Variants in COP1 observed in about 807,000 individuals in gnomAD.
The protein encoded by COP1 is COP1 E3 ubiquitin ligase, also known as E3 ubiquitin-protein ligase COP1.
Under a neutral mutation model 101.3 loss-of-function variants are expected in COP1, and 24 were observed. The ratio of observed to expected loss-of-function variants is 0.24; its 90% CI spans 0.17 to 0.33. COP1 has a LOEUF of 0.33. Ranked by LOEUF, COP1 falls within the 10% of genes least tolerant of loss-of-function variation. The pLI is 1.00. For synonymous variants in COP1, 347 were observed against 341.9 expected, an observed-to-expected ratio of 1.01 and a Z score of -0.17; for missense variants, 663 against 906.2, an observed-to-expected ratio of 0.73 and a Z score of 3.45.
In COP1 at chr1:176,203,268, C is replaced by T. The variant is rs912847215; in HGVS notation, c.407+3304G>A. 2.0e-5 allele frequency among the ~76,000 whole-genome samples: 3 copies of T among 151,992 alleles called. No individual in the cohort carries two copies. In the Middle Eastern group the frequency reaches 0.01, roughly 517 times the overall value. The stretch of plus-strand genomic sequence containing the variant: ...AGGAGAATGGCGTGAACCCGGGAGG[C>T]GGAGCTTGCAGTGAGCCGAGATCGC... On this transcript the variant is annotated intron_variant, in intron 1 of 19. Transcript: ENST00000367669.
At chr1:176,099,539 CT>C (rs1683014541) in intron 9 of COP1, among the ~76,000 whole-genome samples, 1 of 146,842 alleles carries the variant, frequency 6.8e-6, no homozygotes, top group African/African-American at 2.6e-5. Flanking sequence ...CTCTCTCTCT[CT>C]CCCTGGCTTC....
chr1:176,173,265 C>A (rs1184804667), intron 3 of COP1, among the ~76,000 whole-genome samples: 1 of 137,122 alleles, frequency 7.3e-6, no homozygotes, highest in Non-Finnish European at 1.5e-5. Flanking sequence ...GAGTCAAGAT[C>A]ATGCCATTGC....
rs988982990 is a variant in COP1, at chr1:176,190,684, C to T, written c.408-5992G>A. ...TTAATCAGTGCTCTATTTGTCATTC[C>T]CTTTTATATGCATTATTTCCTTCAA... On this transcript the variant is annotated intron_variant, in intron 1 of 19. Coordinates refer to ENST00000367669, the MANE Select transcript of COP1 (RefSeq NM_022457.7). Among the ~76,000 whole-genome samples the T allele has an allele frequency of 2.0e-5, 3 of 151,810 alleles. No homozygotes were observed. The South Asian group carries it at 6.2e-4, about 31-fold the overall frequency.
At chr1:176,206,391 T>G (rs1473913601) in intron 1 of COP1, 181 bp downstream of exon 1, 1 of 634,016 alleles carries the variant, frequency 1.6e-6, no homozygotes, top group Non-Finnish European at 2.6e-6. Flanking sequence ...CAACATTCCT[T>G]CACCCCACCA....
At chr1:176,081,089 C>G in intron 11 of COP1, 63 bp downstream of exon 11, 1 of 1,396,334 alleles carries the variant, frequency 7.2e-7, no homozygotes, top group Non-Finnish European at 1.0e-6. Context: ...ATAAGTGCTT[C>G]TCAAATTCAA....
rs545472486 is a variant in COP1 at position 176,141,722 on chromosome 1, C to A, written c.832-5175G>T. On this transcript the variant is annotated intron_variant, in intron 6 of 19. Coordinates refer to ENST00000367669, the MANE Select transcript of COP1 (RefSeq NM_022457.7). ...AAGACTTCATTTAACCCTTTCATAG[C>A]ACTTTTTCTTTTCTTTTTTTTTTTT... Among the ~76,000 whole-genome samples the A allele has an allele frequency of 3.3e-4, 49 of 150,354 alleles. 1 individual carries two copies. In the South Asian group the frequency reaches 8.4e-3, roughly 26 times the overall value.
chr1:176,094,668 A>G (rs1343729935), intron 9 of COP1, among the ~76,000 whole-genome samples: 1 of 150,828 alleles, frequency 6.6e-6, no homozygotes, highest in Non-Finnish European at 1.5e-5. Context: ...GTCATTGGAA[A>G]AAGTTAAAAA....
chr1:175,970,409 G>C lies in COP1; in HGVS notation c.2133+16534C>G, dbSNP rs959619411. Among the ~76,000 whole-genome samples the C allele has an allele frequency of 3.9e-5, 6 of 152,282 alleles. No homozygotes were observed. In the South Asian group the frequency reaches 1.2e-3, roughly 32 times the overall value. On this transcript the variant is annotated intron_variant, in intron 18 of 19. Coordinates refer to ENST00000367669, the MANE Select transcript of COP1 (RefSeq NM_022457.7). ...ACAATGAAGAAACTTTCTTAATGAA[G>C]TAGGTGAACTGTGTTAGAAAACAGA... is the stretch of plus-strand genomic sequence containing the variant.
At chr1:175,990,388 T>C (rs1320061137) in intron 15 of COP1, among the ~76,000 whole-genome samples, 3 of 152,148 alleles carry the variant, frequency 2.0e-5, no homozygotes, top group African/African-American at 7.2e-5. Flanking sequence ...TTTATTGACT[T>C]ATTTTTAGTC....
intron 1 of COP1, among the ~76,000 whole-genome samples, chr1:176,199,327 T>TA (rs1336879022): frequency 1.3e-5 from 2 of 151,904 alleles, no homozygotes; most frequent in Non-Finnish European, 1.5e-5. Flanking sequence ...CAAAAAAAGA[T>TA]AAAAAAGAAA....
intron 9 of COP1, among the ~76,000 whole-genome samples, chr1:176,098,363 A>G (rs1198745270): frequency 6.6e-6 from 1 of 152,248 alleles, no homozygotes; most frequent in African/African-American, 2.4e-5. Flanking sequence ...TTTTAATAAA[A>G]GATTATAAGA....
intron 1 of COP1, among the ~76,000 whole-genome samples, chr1:176,191,076 C>A (rs931411507): frequency 6.6e-6 from 1 of 151,990 alleles, no homozygotes; most frequent in African/African-American, 2.4e-5. Context: ...CCACCTGATT[C>A]TTTGTGATTT....
At chr1:176,115,493 A>G (rs2149591321) in intron 9 of COP1, among the ~76,000 whole-genome samples, 1 of 152,062 alleles carries the variant, frequency 6.6e-6, no homozygotes, top group South Asian at 2.1e-4. Flanking sequence ...TCACGCCTGT[A>G]ATGCCAGCAC....
chr1:176,159,757 G>A (rs1229343327), intron 5 of COP1, among the ~76,000 whole-genome samples: 1 of 152,160 alleles, frequency 6.6e-6, no homozygotes, highest in South Asian at 2.1e-4. Context: ...TTATATGGTT[G>A]TAGATACTAA....
intron 15 of COP1, among the ~76,000 whole-genome samples, chr1:175,996,488 T>C (rs1042800280): frequency 3.3e-5 from 5 of 152,010 alleles, no homozygotes; most frequent in African/African-American, 1.2e-4. Flanking sequence ...TGATTGTATA[T>C]CTAGAAAACC....
At chr1:176,016,235 G>A (rs568525559) in intron 15 of COP1, among the ~76,000 whole-genome samples, 14 of 152,176 alleles carry the variant, frequency 9.2e-5, no homozygotes, top group African/African-American at 3.4e-4. Context: ...AATAACCCAT[G>A]GGGAATTTAG....
intron 14 of COP1, among the ~76,000 whole-genome samples, chr1:176,032,054 A>G (rs2149098780): frequency 6.6e-6 from 1 of 152,340 alleles, no homozygotes; most frequent in African/African-American, 2.4e-5. Flanking sequence ...GAAAGAATTC[A>G]TTACCAAAGA....
In COP1 at chr1:176,106,628, G is replaced by A. The variant is rs566224420; in HGVS notation, c.1026+9996C>T. Among the ~76,000 whole-genome samples the A allele has an allele frequency of 4.6e-5, 7 of 152,270 alleles. No homozygotes were observed. The South Asian group carries it at 1.4e-3, about 32-fold the overall frequency. ...CCACCCAGCAATTGACCCAGTGCAA[G>A]AGGACAGCTTCAATTCCCTATTATT... On this transcript the variant is annotated intron_variant, in intron 9 of 19. Coordinates refer to ENST00000367669, the MANE Select transcript of COP1 (RefSeq NM_022457.7).
intron 8 of COP1, among the ~76,000 whole-genome samples, chr1:176,126,544 C>A (rs1249056540): frequency 6.6e-6 from 1 of 152,082 alleles, no homozygotes; most frequent in Non-Finnish European, 1.5e-5. Context: ...GCAACCTCTG[C>A]CTCCCGGGTT....
Sources: allele counts gnomAD v4.1 joint callset (sites outside exome capture counted in the v4.1 genomes callset), GRCh38; gene constraint gnomAD v4.1.1; transcripts MANE v1.5; gene names NCBI Gene and HGNC (gene_info 2026-07-23, HGNC 2026-07-21).